The following TTLL5 variants were observed in gnomAD, a reference collection of about 807,000 sequenced individuals.
TTLL5 encodes tubulin polyglutamylase TTLL5.
In TTLL5, 132 loss-of-function variants were observed where a neutral mutation model predicts 168.4. The ratio of observed to expected loss-of-function variants is 0.78; its 90% CI spans 0.68 to 0.91. The LOEUF (loss-of-function observed/expected upper bound fraction) is 0.91. Ranked by LOEUF, TTLL5 falls within the 40% of genes least tolerant of loss-of-function variation. The pLI is 0.00. For missense variants in TTLL5, 1,545 were observed against 1,581.5 expected (o/e 0.98, Z 0.39); for synonymous variants, 546 against 558.6 (o/e 0.98, Z 0.32).
chr14:75,871,565 T>TA (rs60974706), intron 29 of TTLL5, among the ~76,000 whole-genome samples: 2,123 of 137,758 alleles, frequency 0.015, 50 homozygotes, highest in African/African-American at 0.048. Context: ...CACAAATCTT[T>TA]AAAAAAAAAA....
chr14:75,905,125 C>T (rs1285987690), intron 31 of TTLL5, among the ~76,000 whole-genome samples: 1 of 152,158 alleles, frequency 6.6e-6, no homozygotes, highest in Non-Finnish European at 1.5e-5. Context: ...GAAAGAAGAA[C>T]AACTCTCATA....
intron 3 of TTLL5, among the ~76,000 whole-genome samples, chr14:75,676,355 C>T (rs1884155948): frequency 1.3e-5 from 2 of 152,184 alleles, no homozygotes; most frequent in Admixed American, 1.3e-4. Context: ...TTCCAATTTT[C>T]AATGGCTTAG....
intron 29 of TTLL5, among the ~76,000 whole-genome samples, chr14:75,880,973 G>A (rs2031779472): frequency 6.6e-6 from 1 of 152,104 alleles, no homozygotes; most frequent in Non-Finnish European, 1.5e-5. Context: ...GAGTGCAGTG[G>A]TGCAGTCTTC....
rs532337280 is a variant in TTLL5, at chr14:75,766,346, C to T, written c.1993C>T (p.Leu665Phe). The T allele has an allele frequency of 1.7e-5, 27 of 1,611,322 alleles. 1 individual carries two copies. Among genetic ancestry groups the T allele is most frequent in the South Asian group, 1.7e-4 (15 of 90,348 alleles). Reference sequence around the variant, plus strand: ...GCCTAAATTTAACCTGATGCAGATTCTTCAAGATAATGGCAATCTTAGGTA... The same window carrying T: ...GCCTAAATTTAACCTGATGCAGATTTTTCAAGATAATGGCAATCTTAGGTA... ...LEPKFNLMQI[L>F]QDNGNLSKMQ... Residue 665 changes from leucine (L) to phenylalanine (F), a missense_variant, in exon 20 of 32, where the codon CTT (leucine) becomes TTT (phenylalanine). By Grantham distance (22) the Leu-to-Phe change is conservative. Coordinates refer to ENST00000298832, the MANE Select transcript of TTLL5 (RefSeq NM_015072.5).
intron 18 of TTLL5, among the ~76,000 whole-genome samples, chr14:75,755,810 A>G (rs1163656272): frequency 6.6e-6 from 1 of 152,096 alleles, no homozygotes; most frequent in African/African-American, 2.4e-5. Context: ...TATTATTAGG[A>G]CCATTTTCAA....
chr14:75,843,533 T>C (rs1257281109), intron 28 of TTLL5, among the ~76,000 whole-genome samples: 1 of 152,258 alleles, frequency 6.6e-6, no homozygotes. Flanking sequence ...ATCTTATTTT[T>C]TGTTGTCAAC....
rs137963713 is a variant in TTLL5 at position 75,932,883 on chromosome 14, T to C, written c.3824-21541T>C. ...CTGTGAGAGCGTTGTTGGTGTTGTT[T>C]TTTGTTTATTACTATCAAGTGACAC... On this transcript the variant is annotated intron_variant, in intron 31 of 31. Transcript: ENST00000298832. 4.6e-3 allele frequency among the ~76,000 whole-genome samples: 702 copies of C among 152,332 alleles called. 6 individuals are homozygous for C. The highest frequency in any genetic ancestry group is 0.016 in the African/African-American group (679 of 41,562).
chr14:75,779,921 A>G (rs1340926303), intron 24 of TTLL5, among the ~76,000 whole-genome samples: 2 of 152,082 alleles, frequency 1.3e-5, no homozygotes, highest in Non-Finnish European at 2.9e-5. Context: ...AATTAACAGC[A>G]GAGAGATTTT....
intron 6 of TTLL5, among the ~76,000 whole-genome samples, chr14:75,691,804 C>G (rs1196864687): frequency 3.9e-5 from 6 of 152,228 alleles, no homozygotes; most frequent in African/African-American, 1.4e-4. Context: ...TATCTCTAGA[C>G]TTCCTGACTT....
At chr14:75,668,890 T>C (rs965958842) in intron 2 of TTLL5, among the ~76,000 whole-genome samples, 1 of 152,256 alleles carries the variant, frequency 6.6e-6, no homozygotes, top group Admixed American at 6.5e-5. Flanking sequence ...TTCACTCATA[T>C]TCAGGCATAT....
chr14:75,894,413 C>T (rs1369920927), intron 30 of TTLL5, among the ~76,000 whole-genome samples: 2 of 152,044 alleles, frequency 1.3e-5, no homozygotes, highest in African/African-American at 2.4e-5. Flanking sequence ...ATTAGCTGGG[C>T]GTTATGGCGC....
At chr14:75,771,599 G>T in intron 20 of TTLL5, 135 bp from the exon 21 acceptor site, 2 of 1,241,178 alleles carry the variant, frequency 1.6e-6, no homozygotes, top group East Asian at 2.5e-5. Context: ...TTATTCACAG[G>T]CTGTAAGATG....
intron 27 of TTLL5, chr14:75,803,028 T>C (rs1893417752): frequency 6.6e-6 from 1 of 152,356 alleles, no homozygotes; most frequent in Admixed American, 6.5e-5. Flanking sequence ...GGAATGAAGT[T>C]GGGCGAGAAG....
intron 15 of TTLL5, among the ~76,000 whole-genome samples, chr14:75,742,725 C>G (rs913003819): frequency 3.3e-5 from 5 of 152,152 alleles, no homozygotes; most frequent in African/African-American, 9.7e-5. Flanking sequence ...CAGAGACATG[C>G]TGTGATGGGT....
chr14:75,923,650 T>A (rs1319364884), intron 31 of TTLL5, among the ~76,000 whole-genome samples: 2 of 152,232 alleles, frequency 1.3e-5, no homozygotes, highest in African/African-American at 4.8e-5. Flanking sequence ...AATTTTAGAA[T>A]AAGTGTGATG....
At chr14:75,688,202 T>C (rs1489089083) in intron 5 of TTLL5, among the ~76,000 whole-genome samples, 1 of 152,166 alleles carries the variant, frequency 6.6e-6, no homozygotes, top group South Asian at 2.1e-4. Flanking sequence ...TAGAGGGTTA[T>C]AACTTCCAGC....
intron 15 of TTLL5, chr14:75,737,507 G>GA: frequency 6.7e-7 from 1 of 1,487,874 alleles, no homozygotes; most frequent in South Asian, 1.3e-5. Flanking sequence ...CTAGGAGATG[G>GA]AAAATGTAGG....
chr14:75,700,385 G>A (rs1245168613), intron 7 of TTLL5, among the ~76,000 whole-genome samples: 2 of 152,210 alleles, frequency 1.3e-5, no homozygotes, highest in Non-Finnish European at 2.9e-5. Flanking sequence ...TGTGCCCTAA[G>A]AAGCAAAATG....
At chr14:75,696,465 C>G (rs1168081037) in intron 6 of TTLL5, among the ~76,000 whole-genome samples, 1 of 152,146 alleles carries the variant, frequency 6.6e-6, no homozygotes, top group African/African-American at 2.4e-5. Context: ...GCATTCTGTT[C>G]AGTCTGCTCA....
Sources: allele counts gnomAD v4.1 joint callset (sites outside exome capture counted in the v4.1 genomes callset), GRCh38; gene constraint gnomAD v4.1.1; transcripts MANE v1.5; gene names NCBI Gene and HGNC (gene_info 2026-07-23, HGNC 2026-07-21).